The following SUGCT variants were observed in gnomAD, a reference collection of about 807,000 sequenced individuals.
SUGCT encodes succinyl-CoA:glutarate CoA-transferase.
In SUGCT, 41 loss-of-function variants were observed where a neutral mutation model predicts 55.0. The observed-to-expected ratio is 0.74, with a 90% CI of 0.58 to 0.97. The LOEUF is 0.97. Among genes scored for constraint, SUGCT ranks in the 50% least tolerant of loss-of-function variants. SUGCT has a pLI of 0.00. For missense variants in SUGCT, 568 were observed against 547.8 expected (o/e 1.04, Z -0.37); for synonymous variants, 187 against 200.4 (o/e 0.93, Z 0.56).
At chr7:40,690,683 C>G (rs1380639405) in intron 12 of SUGCT, among the ~76,000 whole-genome samples, 1 of 152,072 alleles carries the variant, frequency 6.6e-6, no homozygotes, top group African/African-American at 2.4e-5. Flanking sequence ...ATCTTCCCAC[C>G]TCAGCCTCCC....
At chr7:40,965,179 T>G in the SUGCT span, 9 of 152,210 alleles carry the variant, frequency 5.9e-5, no homozygotes, top group African/African-American at 1.9e-4. Flanking sequence ...CTGATTTGCT[T>G]GAGACATTAG....
intron 13 of SUGCT, among the ~76,000 whole-genome samples, chr7:40,786,872 T>A (rs1790041510): frequency 6.6e-6 from 1 of 152,208 alleles, no homozygotes; most frequent in African/African-American, 2.4e-5. Context: ...AGGACAGCAG[T>A]TATTTACTAA....
At chr7:40,938,844 A>G in the SUGCT span, among the ~76,000 whole-genome samples, 2 of 152,102 alleles carry the variant, frequency 1.3e-5, no homozygotes, top group African/African-American at 2.4e-5. Flanking sequence ...TGCAAAAGAC[A>G]TTATTTCATT....
chr7:40,472,650 CAATAAT>C (rs149714111), intron 11 of SUGCT, among the ~76,000 whole-genome samples: 2 of 151,104 alleles, frequency 1.3e-5, no homozygotes, highest in African/African-American at 2.4e-5. Flanking sequence ...CACATAATGC[CAATAAT>C]AATAATAATA....
chr7:40,627,272 G>A (rs1799566144), intron 12 of SUGCT, among the ~76,000 whole-genome samples: 1 of 152,228 alleles, frequency 6.6e-6, no homozygotes, highest in Admixed American at 6.5e-5. Context: ...CAGTGTGGGA[G>A]TGGTCCTGAG....
chr7:40,217,338 G>A, intron 6 of SUGCT: 1 of 363,880 alleles, frequency 2.7e-6, no homozygotes, highest in South Asian at 2.0e-5. Context: ...AGCTTCCCAA[G>A]TGGCTCGGAC....
chr7:40,350,858 A>G (rs986499105), intron 9 of SUGCT, among the ~76,000 whole-genome samples: 5 of 149,724 alleles, frequency 3.3e-5, no homozygotes, highest in Non-Finnish European at 5.9e-5. Context: ...TCATTGTTCA[A>G]CTCCCCCTTA....
the SUGCT span, among the ~76,000 whole-genome samples, chr7:40,988,230 A>G: frequency 1.4e-5 from 2 of 147,112 alleles, no homozygotes; most frequent in South Asian, 2.3e-4. Context: ...CTAAGCAAAG[A>G]GGCAACTAGA....
At chr7:40,348,789 T>A (rs1797461794) in intron 9 of SUGCT, among the ~76,000 whole-genome samples, 1 of 152,246 alleles carries the variant, frequency 6.6e-6, no homozygotes, top group African/African-American at 2.4e-5. Context: ...TTTACTCTTT[T>A]ACCCTTGAAA....
intron 1 of SUGCT, among the ~76,000 whole-genome samples, chr7:40,165,063 C>T (rs768502359): frequency 2.0e-5 from 3 of 152,260 alleles, no homozygotes; most frequent in Non-Finnish European, 4.4e-5. Context: ...ATAGATAAAG[C>T]TTCAGCAGAT....
At chr7:40,793,791 T>C (rs572401717) in intron 13 of SUGCT, among the ~76,000 whole-genome samples, 4 of 152,232 alleles carry the variant, frequency 2.6e-5, no homozygotes, top group South Asian at 2.1e-4. Flanking sequence ...CTGATTACTT[T>C]ATCTTTCATG....
the SUGCT span, among the ~76,000 whole-genome samples, chr7:40,973,377 T>C: frequency 6.6e-6 from 1 of 152,246 alleles, no homozygotes; most frequent in Non-Finnish European, 1.5e-5. Flanking sequence ...TGTGGAAATA[T>C]GCAATTCTTA....
chr7:40,211,122 C>G (rs1311530176), intron 6 of SUGCT, among the ~76,000 whole-genome samples: 2 of 151,708 alleles, frequency 1.3e-5, no homozygotes, highest in Non-Finnish European at 2.9e-5. Context: ...TTACAGGCAC[C>G]TGCCACCAGC....
At chr7:40,277,363 A>G (rs1160903444) in intron 8 of SUGCT, among the ~76,000 whole-genome samples, 2 of 136,132 alleles carry the variant, frequency 1.5e-5, no homozygotes, top group African/African-American at 5.8e-5. Context: ...TTTTTTTTGT[A>G]TTTTTTGGTA....
intron 1 of SUGCT, chr7:40,153,800 C>T: frequency 2.5e-6 from 1 of 400,572 alleles, no homozygotes; most frequent in South Asian, 2.2e-5. Flanking sequence ...CCCATAGATG[C>T]TGTTCAATGG....
At chr7:40,695,395 G>T (rs543076091) in intron 12 of SUGCT, among the ~76,000 whole-genome samples, 2 of 151,704 alleles carry the variant, frequency 1.3e-5, no homozygotes, top group African/African-American at 4.8e-5. Flanking sequence ...ATGAGGTTTT[G>T]CCATGTTGCC....
chr7:40,343,652 T>G (rs895465661), intron 9 of SUGCT, among the ~76,000 whole-genome samples: 4 of 152,062 alleles, frequency 2.6e-5, no homozygotes, highest in African/African-American at 9.7e-5. Flanking sequence ...CTCTTTATTT[T>G]TATTTTATTA....
chr7:40,303,779 C>T (rs889364112), intron 8 of SUGCT, among the ~76,000 whole-genome samples: 30 of 152,190 alleles, frequency 2.0e-4, no homozygotes, highest in Admixed American at 1.4e-3. Context: ...CGTTTTGTGC[C>T]ACCTCTCTCC....
intron 8 of SUGCT, among the ~76,000 whole-genome samples, chr7:40,311,319 C>A (rs1008901264): frequency 6.6e-6 from 1 of 152,208 alleles, no homozygotes; most frequent in Non-Finnish European, 1.5e-5. Context: ...ATATCCCTAA[C>A]AGTCCCCTTT....
Sources: gnomAD v4.1 joint callset for allele counts (sites outside exome capture counted in the v4.1 genomes callset) on GRCh38, gnomAD v4.1.1 for gene constraint, MANE v1.5 for transcripts, NCBI Gene and HGNC (gene_info 2026-07-23, HGNC 2026-07-21) for gene names.